The following CACNA1C variants were observed in gnomAD, a reference collection of about 807,000 sequenced individuals.
The protein encoded by CACNA1C is voltage-dependent L-type calcium channel subunit alpha-1C.
CACNA1C carries 30 observed loss-of-function variants against 229.0 expected under a neutral mutation model. The ratio of observed to expected loss-of-function variants is 0.13; its 90% CI spans 0.10 to 0.18. The LOEUF (loss-of-function observed/expected upper bound fraction) is 0.18, where lower values mean the gene tolerates loss of function less well. Ranked by LOEUF, CACNA1C falls within the 10% of genes least tolerant of loss-of-function variation. The pLI is 1.00. For missense variants in CACNA1C, 1,658 were observed against 2,845.0 expected, an observed-to-expected ratio of 0.58 and a Z score of 9.49; for synonymous variants, 1,114 against 1,132.5, an observed-to-expected ratio of 0.98 and a Z score of 0.33.
chr12:2,177,592 CCTTCCTTCCTTCCTTCCTT>C (rs2096697657), intron 3 of CACNA1C, among the ~76,000 whole-genome samples: 1 of 71,904 alleles, frequency 1.4e-5, no homozygotes, highest in African/African-American at 4.9e-5. Flanking sequence ...TCCCTCCCTT[CCTTCCTTCCTTCCTTCCTT>C]CCTTCCTTCC....
intron 3 of CACNA1C, among the ~76,000 whole-genome samples, chr12:2,214,166 C>G (rs968971478): frequency 9.9e-5 from 15 of 152,198 alleles, no homozygotes; most frequent in South Asian, 2.1e-4. Flanking sequence ...TCTGCTCCAG[C>G]CTCCTTGTGC....
intron 3 of CACNA1C, among the ~76,000 whole-genome samples, chr12:2,294,363 C>T (rs974898310): frequency 1.2e-4 from 18 of 151,604 alleles, no homozygotes; most frequent in African/African-American, 3.2e-4. Flanking sequence ...CCTGAAGAGG[C>T]GGCTGCTGAG....
At chr12:2,150,736 A>G (rs2095168100) in intron 3 of CACNA1C, among the ~76,000 whole-genome samples, 1 of 152,216 alleles carries the variant, frequency 6.6e-6, no homozygotes, top group Non-Finnish European at 1.5e-5. Flanking sequence ...AATTTAACCC[A>G]CAAGTTTAGG....
rs114758661 is a variant in CACNA1C at position 2,472,136 on chromosome 12, A to G, written c.758-13968A>G. Among the ~76,000 whole-genome samples the G allele has an allele frequency of 5.1e-3, 777 of 152,314 alleles. 10 individuals are homozygous for G. Among genetic ancestry groups the G allele is most frequent in the African/African-American group, 0.018 (748 of 41,564 alleles). On this transcript the variant is annotated intron_variant, in intron 5 of 46. Coordinates refer to ENST00000399655, the MANE Select transcript of CACNA1C (RefSeq NM_000719.7). ...TTGGAGTTTTCTGAGCTTCTCAGAT[A>G]CACTCATAAATGAGAAGTTTTCAAG...
Position 2,504,548 on chromosome 12 carries a change from A to G in CACNA1C, c.1114-294A>G, listed in dbSNP as rs368509650. 6.6e-6 allele frequency: 10 copies of G among 1,519,594 alleles called. No individual in the cohort carries two copies. Among genetic ancestry groups the G allele is most frequent in the East Asian group, 2.3e-5 (1 of 44,132 alleles). 94.1% of individuals were successfully genotyped at this position (1,519,594 alleles called of 1,614,324 possible). Reference sequence around the variant, plus strand: ...CTCGGTGTGTTGAGCGGGTAAGCTGACCGTTTCTATGTCCTCTCCACAACG... The same window carrying G: ...CTCGGTGTGTTGAGCGGGTAAGCTGGCCGTTTCTATGTCCTCTCCACAACG... On this transcript the variant is annotated intron_variant, in intron 7 of 46. Transcript: ENST00000399655. This position sits in a 1 kb window ranked among gnomAD's most constrained non-coding sequence, Gnocchi z 6.8.
At chr12:2,103,978 T>C (rs538711075) in intron 1 of CACNA1C, among the ~76,000 whole-genome samples, 2 of 152,332 alleles carry the variant, frequency 1.3e-5, no homozygotes, top group South Asian at 2.1e-4. Context: ...TTGGTTACTG[T>C]AGCCTTGTAG....
intron 5 of CACNA1C, among the ~76,000 whole-genome samples, chr12:2,470,870 A>T (rs1297738643): frequency 6.6e-6 from 1 of 151,432 alleles, no homozygotes; most frequent in African/African-American, 2.4e-5. Flanking sequence ...CCGAGTCTCG[A>T]TCTGTCTCCC....
At chr12:2,019,920 A>G (rs143189519) in intron 1 of CACNA1C, 1 of 152,218 alleles carries the variant, frequency 6.6e-6, no homozygotes, top group Non-Finnish European at 1.5e-5. Context: ...GTTTCTTACT[A>G]TGCAGCATTG....
In CACNA1C at chr12:2,608,476, C is replaced by T; in HGVS notation, c.3357-35C>T. 6.5e-7 allele frequency: 1 copy of T among 1,542,398 alleles called. No individual in the cohort carries two copies. The highest frequency in any genetic ancestry group is 8.8e-7 in the Non-Finnish European group (1 of 1,132,328). On this transcript the variant is annotated intron_variant, in intron 26 of 46. Transcript: ENST00000399655. This position sits in a 1 kb window ranked among gnomAD's most constrained non-coding sequence, Gnocchi z 4.2. The stretch of plus-strand genomic sequence containing the variant: ...CTTCCGCAGAGGGGACCCTGCTTCT[C>T]CAGTTCCCTCTGTGGGACCTGTCTC...
chr12:2,301,483 G>GAACC (rs2094555904), intron 3 of CACNA1C, among the ~76,000 whole-genome samples: 3 of 152,114 alleles, frequency 2.0e-5, no homozygotes, highest in African/African-American at 4.8e-5. Flanking sequence ...GGTTCTGTTA[G>GAACC]TTAAATGAGC....
At chr12:1,991,034 C>T (rs1201889041) in intron 1 of CACNA1C, 2 of 442,836 alleles carry the variant, frequency 4.5e-6, no homozygotes, top group Non-Finnish European at 9.0e-6. Context: ...TAGATCCATT[C>T]CCTTTCACTC....
At position 2,054,744 on chromosome 12, in the gene CACNA1C, C is replaced by T. The variant is rs1481640449; in HGVS notation, c.49+1133C>T. Among the ~76,000 whole-genome samples the T allele has an allele frequency of 1.3e-5, 2 of 152,102 alleles. No individual in the cohort carries two copies. Among genetic ancestry groups the T allele is most frequent in the Non-Finnish European group, 2.9e-5 (2 of 68,002 alleles). ...TCTTTGGGTGTAGTCTCTCCCTTTT[C>T]TCTCCCAGTTCCCAGAGCCTCCCTG... On this transcript the variant is annotated intron_variant, in intron 1 of 46. Coordinates refer to ENST00000399655, the MANE Select transcript of CACNA1C (RefSeq NM_000719.7). The surrounding 1 kb of genome is among the most constrained non-coding windows in gnomAD (Gnocchi z 5.5).
In CACNA1C at chr12:2,410,789, G is replaced by A. The variant is rs1006347613; in HGVS notation, c.478-38187G>A. ...CTCTAGTTGTCAGGATGGCTCCCCT[G>A]TGTGTGTATATGTGTGTGTGTGCGT... is the stretch of plus-strand genomic sequence containing the variant. On this transcript the variant is annotated intron_variant, in intron 3 of 46. Transcript: ENST00000399655. This position sits in a 1 kb window ranked among gnomAD's most constrained non-coding sequence, Gnocchi z 5.3. 6.7e-6 allele frequency among the ~76,000 whole-genome samples: 1 copy of A among 148,876 alleles called. No individual in the cohort carries two copies. The highest frequency in any genetic ancestry group is 1.5e-5 in the Non-Finnish European group (1 of 67,336).
chr12:2,427,631 T>A (rs1301909251), intron 3 of CACNA1C, among the ~76,000 whole-genome samples: 1 of 152,176 alleles, frequency 6.6e-6, no homozygotes, highest in East Asian at 1.9e-4. Flanking sequence ...TTTATTTTTT[T>A]ATTTTTTGAG....
chr12:2,559,673 A>T (rs1416168821), intron 11 of CACNA1C, among the ~76,000 whole-genome samples: 1 of 152,236 alleles, frequency 6.6e-6, no homozygotes, highest in East Asian at 1.9e-4. Context: ...CCCAGGTCAC[A>T]GGGCTCTAGT....
intron 1 of CACNA1C, among the ~76,000 whole-genome samples, chr12:2,056,196 AGTGTGTGTGTGTGTGTGTGTGTGTGTGT>A (rs138718348): frequency 6.8e-6 from 1 of 146,014 alleles, no homozygotes; most frequent in Admixed American, 6.9e-5. Flanking sequence ...AGTGTGTGTG[AGTGTGTGTGTGTGTGTGTGTGTGTGTGT>A]GTGTGTGTGT....
At position 2,504,982 on chromosome 12, in the gene CACNA1C, A is replaced by G; in HGVS notation, c.1217+37A>G. 1 of 971,662 alleles carries G rather than the reference A, an allele frequency of 1.0e-6. No homozygotes were observed. The highest frequency in any genetic ancestry group is 1.6e-6 in the Non-Finnish European group (1 of 612,376). 60.2% of individuals were successfully genotyped at this position (971,662 alleles called of 1,614,324 possible). On this transcript the variant is annotated intron_variant, in intron 8 of 46. Coordinates refer to ENST00000399655, the MANE Select transcript of CACNA1C (RefSeq NM_000719.7). The surrounding 1 kb of genome is among the most constrained non-coding windows in gnomAD (Gnocchi z 6.8). Reference sequence around the variant, plus strand: ...CAAGGAAAAAGGTCTTGATTTTTCCATTTATTTTTATTTATTCTTTCTGCT... The same window carrying G: ...CAAGGAAAAAGGTCTTGATTTTTCCGTTTATTTTTATTTATTCTTTCTGCT...
At chr12:2,682,466 G>A in intron 42 of CACNA1C, 84 bp from the exon 43 acceptor site, 1 of 1,495,588 alleles carries the variant, frequency 6.7e-7, no homozygotes. Context: ...CTGCATGTGT[G>A]TGCGTGTGTG....
intron 3 of CACNA1C, among the ~76,000 whole-genome samples, chr12:2,314,523 A>T (rs1473737396): frequency 6.6e-6 from 1 of 152,076 alleles, no homozygotes; most frequent in African/African-American, 2.4e-5. Context: ...TTCCCCAGGA[A>T]CCACTGCCCT....
Sources: allele counts gnomAD v4.1 joint callset (sites outside exome capture counted in the v4.1 genomes callset), GRCh38; gene constraint gnomAD v4.1.1; non-coding constraint Gnocchi (gnomAD v3.1); transcripts MANE v1.5; gene names NCBI Gene and HGNC (gene_info 2026-07-23, HGNC 2026-07-21).